ASTN2: variants seen among roughly 807,000 people sequenced by gnomAD.
ASTN2 encodes astrotactin-2.
ASTN2 carries 54 observed loss-of-function variants against 139.8 expected under a neutral mutation model. The ratio of observed to expected loss-of-function variants is 0.39; its 90% CI spans 0.31 to 0.48. The LOEUF (loss-of-function observed/expected upper bound fraction) is 0.48. Ranked by LOEUF, ASTN2 falls within the 20% of genes least tolerant of loss-of-function variation. The probability of loss-of-function intolerance (pLI) is 0.95; values close to 1 mark genes in which losing one functional copy is unlikely to be tolerated. For missense variants in ASTN2, 1,565 were observed against 1,725.1 expected, an observed-to-expected ratio of 0.91 and a Z score of 1.64; for synonymous variants, 756 against 719.5, an observed-to-expected ratio of 1.05 and a Z score of -0.81.
chr9:116,934,574 T>A (rs1415994594), intron 10 of ASTN2, among the ~76,000 whole-genome samples: 1 of 151,702 alleles, frequency 6.6e-6, no homozygotes, highest in Non-Finnish European at 1.5e-5. Flanking sequence ...TGAGAACACA[T>A]GGACACATAG....
chr9:116,786,322 A>C (rs1362107073), intron 13 of ASTN2, among the ~76,000 whole-genome samples: 1 of 152,108 alleles, frequency 6.6e-6, no homozygotes, highest in Non-Finnish European at 1.5e-5. Context: ...CAGGGTGTAT[A>C]TTTATTTGTT....
intron 3 of ASTN2, among the ~76,000 whole-genome samples, chr9:117,211,982 T>C (rs1832148662): frequency 6.6e-6 from 1 of 152,134 alleles, no homozygotes; most frequent in South Asian, 2.1e-4. Context: ...AGTATCACAC[T>C]TTCAGACCTC....
At chr9:116,914,518 C>G (rs1201717401) in intron 10 of ASTN2, among the ~76,000 whole-genome samples, 1 of 150,970 alleles carries the variant, frequency 6.6e-6, no homozygotes, top group Non-Finnish European at 1.5e-5. Context: ...TTGCTGAGGT[C>G]CTACTCTGTG....
At chr9:116,687,351 C>G (rs931738286) in intron 16 of ASTN2, 1 of 646,276 alleles carries the variant, frequency 1.5e-6, no homozygotes, top group Non-Finnish European at 1.9e-6. Context: ...GGGCTGCCGG[C>G]GGTGGACTCG....
At chr9:116,982,592 G>T (rs1184611050) in intron 7 of ASTN2, among the ~76,000 whole-genome samples, 1 of 151,870 alleles carries the variant, frequency 6.6e-6, no homozygotes, top group Admixed American at 6.6e-5. Context: ...TAGAGACAGG[G>T]TGTTGCTCTG....
chr9:117,096,938 G>C (rs1828855295), intron 4 of ASTN2, among the ~76,000 whole-genome samples: 1 of 152,196 alleles, frequency 6.6e-6, no homozygotes. Context: ...GAAATGACTG[G>C]GAAGACACAC....
Position 116,609,379 on chromosome 9 carries a change from G to GTATATA in ASTN2, c.3355+8939_3355+8944dup, listed in dbSNP as rs56938236. On this transcript the variant is annotated intron_variant, in intron 19 of 22. Coordinates refer to ENST00000313400, the MANE Select transcript of ASTN2 (RefSeq NM_001365068.1). ...ATATACATGAATTATATATATGGGT[G>GTATATA]TATATATATATATATATATATATAT... Among the ~76,000 whole-genome samples, 968 of 116,656 alleles carry GTATATA rather than the reference G, an allele frequency of 8.3e-3. 14 individuals carry two copies. Among genetic ancestry groups the GTATATA allele is most frequent in the Middle Eastern group, 0.021 (4 of 192 alleles). The allele number at this position is 116,656 out of a possible 152,430, so 76.5% of individuals were successfully genotyped here.
Position 116,820,700 on chromosome 9 carries a change from A to T in ASTN2, c.2124T>A (p.Asn708Lys). 6.2e-7 allele frequency: 1 copy of T among 1,614,234 alleles called. No individual in the cohort carries two copies. Among genetic ancestry groups the T allele is most frequent in the Non-Finnish European group, 8.5e-7 (1 of 1,180,034 alleles). The stretch of plus-strand genomic sequence containing the variant: ...GCAGGCACAGCTGCTCACAGCCGCC[A>T]TTAAAGCCATCAGAGCAGTCAATGC... The part of the protein sequence containing the change: ...SKGIDCSDGF[N>K]GGCEQLCLQQ... The change falls in exon 12 of 23, where the codon AAT becomes AAA. Residue 708 changes from asparagine to lysine, a missense_variant. Around this residue, in one of 4 missense-constraint regions of ASTN2, gnomAD observed 503 missense variants for 591.7 expected, o/e 0.85. Coordinates refer to ENST00000313400, the MANE Select transcript of ASTN2 (RefSeq NM_001365068.1).
chr9:116,944,483 C>T (rs1564353296), intron 10 of ASTN2, among the ~76,000 whole-genome samples: 1 of 151,814 alleles, frequency 6.6e-6, no homozygotes, highest in Admixed American at 6.6e-5. Flanking sequence ...AAGTTTGAGA[C>T]CAGCCTGGCC....
At chr9:117,172,774 A>G (rs1030372193) in intron 3 of ASTN2, among the ~76,000 whole-genome samples, 1 of 152,204 alleles carries the variant, frequency 6.6e-6, no homozygotes, top group African/African-American at 2.4e-5. Flanking sequence ...TCAAGGGCAT[A>G]CTGTTTGAGT....
chr9:117,026,750 TG>T (rs1838097906), intron 6 of ASTN2, among the ~76,000 whole-genome samples: 1 of 152,168 alleles, frequency 6.6e-6, no homozygotes, highest in Non-Finnish European at 1.5e-5. Flanking sequence ...GATTGTGTAC[TG>T]GGGATTACAA....
intron 19 of ASTN2, among the ~76,000 whole-genome samples, chr9:116,595,797 G>A (rs1854546747): frequency 6.6e-6 from 1 of 152,108 alleles, no homozygotes; most frequent in Non-Finnish European, 1.5e-5. Context: ...CTTAGCTTAC[G>A]CTCAAGAGCA....
chr9:116,879,164 C>T (rs551817879), intron 10 of ASTN2, among the ~76,000 whole-genome samples: 1 of 152,210 alleles, frequency 6.6e-6, no homozygotes, highest in Admixed American at 6.5e-5. Flanking sequence ...ACCTGGGTGA[C>T]CCTCCACCCT....
intron 16 of ASTN2, among the ~76,000 whole-genome samples, chr9:116,709,558 A>G (rs1333732359): frequency 1.3e-5 from 2 of 152,214 alleles, no homozygotes; most frequent in Non-Finnish European, 2.9e-5. Context: ...AACCACTGCC[A>G]GTGATTTGCT....
At chr9:116,502,775 G>GAAGA (rs143186321) in intron 19 of ASTN2, among the ~76,000 whole-genome samples, 90,771 of 117,482 alleles carry the variant, frequency 0.77, 36,315 homozygotes, top group Admixed American at 0.79. Context: ...AGGAAGGAAG[G>GAAGA]AAGATGGAAG....
chr9:117,222,268 C>T (rs780580007), intron 2 of ASTN2, among the ~76,000 whole-genome samples: 11 of 152,172 alleles, frequency 7.2e-5, no homozygotes, highest in Non-Finnish European at 1.6e-4. Flanking sequence ...TTGTCTCGAA[C>T]GTATGCTTTT....
intron 11 of ASTN2, among the ~76,000 whole-genome samples, chr9:116,852,878 TACACACACACAC>T (rs3040211): frequency 5.2e-5 from 7 of 134,270 alleles, no homozygotes; most frequent in South Asian, 5.2e-4. Context: ...AAGGGGAAAA[TACACACACACAC>T]ACACACACAC....
At chr9:117,168,968 T>A (rs1204179210) in intron 3 of ASTN2, among the ~76,000 whole-genome samples, 1 of 152,138 alleles carries the variant, frequency 6.6e-6, no homozygotes, top group East Asian at 1.9e-4. Context: ...AGGGGCAATC[T>A]TGGACAATAC....
intron 5 of ASTN2, among the ~76,000 whole-genome samples, chr9:117,066,028 T>A (rs1003350859): frequency 2.3e-4 from 34 of 146,852 alleles, no homozygotes; most frequent in African/African-American, 5.9e-4. Context: ...TTTTTTTTTT[T>A]TTATTATACT....
Sources: gnomAD v4.1 joint callset for allele counts (sites outside exome capture counted in the v4.1 genomes callset) on GRCh38, gnomAD v4.1.1 for gene constraint, gnomAD v4.1.1 regional missense constraint, MANE v1.5 for transcripts, NCBI Gene and HGNC (gene_info 2026-07-23, HGNC 2026-07-21) for gene names.